CNTNAP2: variants seen among roughly 807,000 people sequenced by gnomAD.
CNTNAP2 encodes contactin-associated protein-like 2.
A neutral mutation model predicts 155.2 loss-of-function variants in CNTNAP2; 98 were observed. That is an observed-to-expected ratio of 0.63 (90% CI 0.54 to 0.75). The LOEUF (loss-of-function observed/expected upper bound fraction) is 0.75. Ranked by LOEUF, CNTNAP2 falls within the 30% of genes least tolerant of loss-of-function variation. The pLI is 0.00. For missense variants in CNTNAP2, 1,727 were observed against 1,688.1 expected, an observed-to-expected ratio of 1.02 and a Z score of -0.40; for synonymous variants, 651 against 631.2, an observed-to-expected ratio of 1.03 and a Z score of -0.47.
chr7:146,461,806 C>T (rs987679472), intron 1 of CNTNAP2, among the ~76,000 whole-genome samples: 6 of 152,122 alleles, frequency 3.9e-5, no homozygotes, highest in African/African-American at 1.4e-4. Context: ...TCACATAATG[C>T]TTTCACATAA....
intron 1 of CNTNAP2, among the ~76,000 whole-genome samples, chr7:146,422,289 T>C (rs559081515): frequency 1.3e-5 from 2 of 150,632 alleles, no homozygotes; most frequent in East Asian, 3.9e-4. Flanking sequence ...CTTCTTATTC[T>C]TATGTAAGAA....
intron 1 of CNTNAP2, among the ~76,000 whole-genome samples, chr7:146,681,778 G>T (rs1800509346): frequency 6.6e-6 from 1 of 152,028 alleles, no homozygotes; most frequent in Non-Finnish European, 1.5e-5. Context: ...ATAAAATAAA[G>T]GTTTGAAAGA....
chr7:146,521,409 G>A (rs867848825), intron 1 of CNTNAP2, among the ~76,000 whole-genome samples: 18 of 151,830 alleles, frequency 1.2e-4, no homozygotes, highest in Non-Finnish European at 1.3e-4. Flanking sequence ...TCATTCAGCC[G>A]ATTTTTTTGT....
At chr7:147,864,870 A>G (rs1317134937) in intron 13 of CNTNAP2, among the ~76,000 whole-genome samples, 1 of 152,224 alleles carries the variant, frequency 6.6e-6, no homozygotes, top group Non-Finnish European at 1.5e-5. Flanking sequence ...TGTCATCTGC[A>G]AACAGGGACA....
rs557533802 is a variant in CNTNAP2, at chr7:148,224,357, G to C, written c.3248-5289G>C. Among the ~76,000 whole-genome samples the C allele has an allele frequency of 2.6e-5, 4 of 152,104 alleles. No individual in the cohort carries two copies. The South Asian group carries it at 8.3e-4, about 32-fold the overall frequency. On this transcript the variant is annotated intron_variant, in intron 19 of 23. Transcript: ENST00000361727. ...CCGAGTAAACACTGAGGGGTGGAGA[G>C]AGAAGCAGCTCAAGAAGTAGGAGCA... is the stretch of plus-strand genomic sequence containing the variant.
At chr7:147,404,811 C>T (rs538877940) in intron 10 of CNTNAP2, among the ~76,000 whole-genome samples, 7 of 152,014 alleles carry the variant, frequency 4.6e-5, no homozygotes, top group Non-Finnish European at 7.4e-5. Context: ...CATACCCAGG[C>T]GAACCCATGT....
intron 18 of CNTNAP2, among the ~76,000 whole-genome samples, chr7:148,208,100 A>T (rs1795483962): frequency 6.6e-6 from 1 of 152,056 alleles, no homozygotes; most frequent in Non-Finnish European, 1.5e-5. Flanking sequence ...AAAAAAAAAA[A>T]AAAAGAGGTC....
intron 1 of CNTNAP2, among the ~76,000 whole-genome samples, chr7:146,563,068 G>C (rs903086779): frequency 6.6e-6 from 1 of 152,072 alleles, no homozygotes; most frequent in Non-Finnish European, 1.5e-5. Flanking sequence ...TGCACACACA[G>C]AATTTTAAAT....
chr7:147,639,047 A>T (rs112116279), intron 12 of CNTNAP2, 59 bp from the exon 13 acceptor site: 5 of 1,534,264 alleles, frequency 3.3e-6, no homozygotes, highest in Non-Finnish European at 4.5e-6. Flanking sequence ...ATTTTCTGAC[A>T]TTTGGAGAAG....
chr7:147,381,873 C>T (rs544594010), intron 9 of CNTNAP2, among the ~76,000 whole-genome samples: 68 of 151,808 alleles, frequency 4.5e-4, no homozygotes, highest in African/African-American at 1.6e-3. Flanking sequence ...CCCACAAATA[C>T]TATTAAAAAA....
intron 13 of CNTNAP2, among the ~76,000 whole-genome samples, chr7:147,741,241 C>T (rs1796950997): frequency 6.6e-6 from 1 of 152,218 alleles, no homozygotes; most frequent in East Asian, 1.9e-4. Context: ...AGCTATTCTT[C>T]AGGTCCAGAT....
At chr7:147,602,449 T>C (rs1800967570) in intron 12 of CNTNAP2, among the ~76,000 whole-genome samples, 1 of 151,578 alleles carries the variant, frequency 6.6e-6, no homozygotes, top group Admixed American at 6.6e-5. Context: ...AATATAAAAG[T>C]TTATTAATGG....
chr7:147,462,685 C>T (rs1798045303), intron 10 of CNTNAP2, among the ~76,000 whole-genome samples: 1 of 152,176 alleles, frequency 6.6e-6, no homozygotes, highest in South Asian at 2.1e-4. Flanking sequence ...AACGAGAATA[C>T]ATTTGAAATG....
chr7:146,442,882 C>G (rs2129120020), intron 1 of CNTNAP2, among the ~76,000 whole-genome samples: 1 of 152,176 alleles, frequency 6.6e-6, no homozygotes, highest in East Asian at 1.9e-4. Flanking sequence ...TACTCCATGG[C>G]TTGTGCTTTT....
intron 15 of CNTNAP2, among the ~76,000 whole-genome samples, chr7:148,003,272 T>C (rs1363977946): frequency 6.6e-6 from 1 of 152,150 alleles, no homozygotes; most frequent in African/African-American, 2.4e-5. Context: ...TCAGAATTAC[T>C]AGGGAAAGAC....
intron 12 of CNTNAP2, among the ~76,000 whole-genome samples, chr7:147,563,223 A>G (rs957428645): frequency 2.6e-5 from 4 of 152,214 alleles, no homozygotes; most frequent in Non-Finnish European, 5.9e-5. Flanking sequence ...GCATTATTGT[A>G]TGAATACAAT....
At chr7:146,375,799 T>C (rs992849654) in intron 1 of CNTNAP2, among the ~76,000 whole-genome samples, 1 of 152,230 alleles carries the variant, frequency 6.6e-6, no homozygotes, top group Admixed American at 6.5e-5. Context: ...TGAATGATAT[T>C]AAGCAAGGTC....
At chr7:147,859,582 A>G (rs1799103253) in intron 13 of CNTNAP2, among the ~76,000 whole-genome samples, 1 of 152,170 alleles carries the variant, frequency 6.6e-6, no homozygotes. Context: ...ATGTCAGTTT[A>G]TTTTAAATAT....
chr7:146,168,799 C>G (rs1225404443), intron 1 of CNTNAP2, among the ~76,000 whole-genome samples: 1 of 152,134 alleles, frequency 6.6e-6, no homozygotes. Flanking sequence ...ATGTGGCAAC[C>G]AGAATGACCC....
Sources: allele counts gnomAD v4.1 joint callset (sites outside exome capture counted in the v4.1 genomes callset), GRCh38; gene constraint gnomAD v4.1.1; transcripts MANE v1.5; gene names NCBI Gene and HGNC (gene_info 2026-07-23, HGNC 2026-07-21).